Variants in SIK2 observed in about 807,000 individuals in gnomAD.
SIK2 encodes salt inducible kinase 2.
A neutral mutation model predicts 103.2 loss-of-function variants in SIK2; 29 were observed. That is an observed-to-expected ratio of 0.28 (90% CI 0.21 to 0.38). SIK2 has a LOEUF of 0.38. SIK2 is among the 10% of genes least tolerant of loss of function. The pLI, the probability that SIK2 is intolerant of heterozygous loss-of-function variation, is 1.00. For missense variants in SIK2, 879 were observed against 1,171.0 expected, an observed-to-expected ratio of 0.75 and a Z score of 3.64; for synonymous variants, 412 against 446.1, an observed-to-expected ratio of 0.92 and a Z score of 0.96.
chr11:111,604,425 T>A (rs954373001), intron 1 of SIK2, among the ~76,000 whole-genome samples: 2 of 151,934 alleles, frequency 1.3e-5, no homozygotes, highest in Non-Finnish European at 2.9e-5. Context: ...TCTCATCAGC[T>A]CTTACTGGGA....
chr11:111,723,949 T>G lies in SIK2; in HGVS notation c.2601T>G (p.Tyr867Ter). 1 of 1,614,068 alleles carries G rather than the reference T, an allele frequency of 6.2e-7. No homozygotes were observed. Among genetic ancestry groups the G allele is most frequent in the Non-Finnish European group, 8.5e-7 (1 of 1,179,994 alleles). The stretch of plus-strand genomic sequence containing the variant: ...CAGACTATCCCACTCCCTGTCAGTA[T>G]CCTGTGGATGGAGCCCAGCAGAGCG... Reference protein sequence around the residue: ...PAPDYPTPCQYPVDGAQQSDL... With the variant: ...PAPDYPTPCQ Residue 867 changes from tyrosine (Y) to a stop codon, truncating the protein, a stop_gained, in exon 15 of 15, where the codon TAT (tyrosine) becomes TAG (stop). Coordinates refer to ENST00000304987, the MANE Select transcript of SIK2 (RefSeq NM_015191.3). LOFTEE classifies it high-confidence loss of function.
At chr11:111,674,739 T>C (rs1484649558) in intron 3 of SIK2, among the ~76,000 whole-genome samples, 2 of 152,156 alleles carry the variant, frequency 1.3e-5, no homozygotes, top group Non-Finnish European at 2.9e-5. Flanking sequence ...GTCATATTTC[T>C]ACTGTGATAA....
rs770386148 is a variant in SIK2 at position 111,705,145 on chromosome 11, GC to G, written c.1101+11del. On this transcript the variant is annotated splice_region_variant and intron_variant, in intron 8 of 14. Coordinates refer to ENST00000304987, the MANE Select transcript of SIK2 (RefSeq NM_015191.3). The surrounding 1 kb of genome is among the most constrained non-coding windows in gnomAD (Gnocchi z 4.3). ...CTGAGCAAACAGTTGCCAAGGTAAT[GC>G]CCCCTTAGCTGAGAGTCTTATCTGT... 6.4e-7 allele frequency: 1 copy of G among 1,554,538 alleles called. No homozygotes were observed. Among genetic ancestry groups the G allele is most frequent in the Non-Finnish European group, 8.6e-7 (1 of 1,160,690 alleles).
Position 111,726,246 on chromosome 11 carries a change from G to C in SIK2, c.*2117G>C, listed in dbSNP as rs1181419378. The stretch of plus-strand genomic sequence containing the variant: ...CACTCATTTCAGAACTGCAGGAATG[G>C]TGTAGTTACAGATCGACATAAACTC... On this transcript the variant is annotated 3_prime_UTR_variant, in exon 15 of 15. Coordinates refer to ENST00000304987, the MANE Select transcript of SIK2 (RefSeq NM_015191.3). The C allele has an allele frequency of 1.3e-5, 2 of 152,214 alleles. No homozygotes were observed. Among genetic ancestry groups the C allele is most frequent in the African/African-American group, 2.4e-5 (1 of 41,444 alleles). 9.4% of individuals were successfully genotyped at this position (152,214 alleles called of 1,614,324 possible).
In SIK2 at chr11:111,725,665, T is replaced by A. The variant is rs1943942661; in HGVS notation, c.*1536T>A. On this transcript the variant is annotated 3_prime_UTR_variant, in exon 15 of 15. Transcript: ENST00000304987. ...CACAAAGAGAGGGACTAACTGATGCTGCATCTAGAAAACACCTTTAAGTTG... is the reference window on the plus strand; with the variant it reads ...CACAAAGAGAGGGACTAACTGATGCAGCATCTAGAAAACACCTTTAAGTTG... 1.3e-5 allele frequency: 2 copies of A among 152,704 alleles called. No homozygotes were observed. The highest frequency in any genetic ancestry group is 1.3e-4 in the Admixed American group (2 of 15,290). The allele number at this position is 152,704 out of a possible 1,614,324, so 9.5% of individuals were successfully genotyped here. A position where few individuals can be genotyped will look rare whatever the true frequency, so the allele number is the denominator to read the frequency against.
chr11:111,609,684 G>GA (rs1262940778), intron 1 of SIK2, among the ~76,000 whole-genome samples: 1 of 152,034 alleles, frequency 6.6e-6, no homozygotes, highest in Non-Finnish European at 1.5e-5. Context: ...ATTTACATTG[G>GA]AAAAAAGTCT....
intron 3 of SIK2, among the ~76,000 whole-genome samples, chr11:111,663,715 A>C (rs1220316027): frequency 6.6e-6 from 1 of 152,172 alleles, no homozygotes; most frequent in African/African-American, 2.4e-5. Context: ...TCTTGGCCTT[A>C]GGTGGTCATG....
chr11:111,615,116 G>A (rs1941787317), intron 1 of SIK2, among the ~76,000 whole-genome samples: 1 of 145,888 alleles, frequency 6.9e-6, no homozygotes, highest in African/African-American at 2.6e-5. Flanking sequence ...TGTAGCCTAG[G>A]CCACAGAGGG....
chr11:111,615,191 C>T (rs1042189742), intron 1 of SIK2, among the ~76,000 whole-genome samples: 18 of 151,228 alleles, frequency 1.2e-4, no homozygotes, highest in African/African-American at 3.9e-4. Flanking sequence ...TGGCTCACAC[C>T]TGTAATCCCA....
Position 111,727,121 on chromosome 11 carries a change from C to T in SIK2, c.*2992C>T. 2 of 1,428,526 alleles carry T rather than the reference C, an allele frequency of 1.4e-6. No individual in the cohort carries two copies. The highest frequency in any genetic ancestry group is 2.0e-6 in the Non-Finnish European group (2 of 1,015,614). 88.5% of individuals were successfully genotyped at this position (1,428,526 alleles called of 1,614,324 possible). ...GGGCCCACTTTCACATTCCCGGTGA[C>T]ACTGACCGTCCCCAGCTGCCCCCTC... On this transcript the variant is annotated 3_prime_UTR_variant, in exon 15 of 15. Coordinates refer to ENST00000304987, the MANE Select transcript of SIK2 (RefSeq NM_015191.3).
intron 3 of SIK2, among the ~76,000 whole-genome samples, chr11:111,654,648 C>T (rs967448205): frequency 1.3e-5 from 2 of 152,142 alleles, no homozygotes; most frequent in Non-Finnish European, 2.9e-5. Context: ...TTCTACAGTT[C>T]TGAGATAAGC....
Position 111,611,262 on chromosome 11 carries a change from AC to A in SIK2, c.136-4980del, listed in dbSNP as rs1159379073. ...AGACCCTGTCTCAAAAAAAAAAAAA[AC>A]TACACATAAATCTTTGTCCTCATTT... On this transcript the variant is annotated intron_variant, in intron 1 of 14. Transcript: ENST00000304987. 6.5e-4 allele frequency among the ~76,000 whole-genome samples: 94 copies of A among 145,132 alleles called. 1 individual carries two copies. Among genetic ancestry groups the A allele is most frequent in the South Asian group, 1.6e-3 (7 of 4,492 alleles).
intron 4 of SIK2, among the ~76,000 whole-genome samples, chr11:111,693,543 A>AAGTTGAGAATAAAAT (rs1942999225): frequency 6.6e-6 from 1 of 152,218 alleles, no homozygotes; most frequent in Non-Finnish European, 1.5e-5. Context: ...TTCAGGCATT[A>AAGTTGAGAATAAAAT]AGTTGAGAAT....
intron 1 of SIK2, among the ~76,000 whole-genome samples, chr11:111,609,274 CT>C (rs1941687776): frequency 6.6e-6 from 1 of 152,074 alleles, no homozygotes; most frequent in African/African-American, 2.4e-5. Context: ...GACCATTTAC[CT>C]TTTCCCCCAA....
intron 3 of SIK2, among the ~76,000 whole-genome samples, chr11:111,629,010 G>T (rs1435778570): frequency 6.6e-6 from 1 of 152,098 alleles, no homozygotes; most frequent in Non-Finnish European, 1.5e-5. Context: ...AGTTTTTTAG[G>T]AAGATAAATC....
intron 3 of SIK2, among the ~76,000 whole-genome samples, chr11:111,678,777 G>GA (rs949980367): frequency 4.6e-5 from 7 of 151,676 alleles, no homozygotes; most frequent in East Asian, 1.9e-4. Flanking sequence ...TACGTGACAG[G>GA]AAAAAAAAAT....
At chr11:111,698,425 C>T (rs1301630922) in intron 4 of SIK2, among the ~76,000 whole-genome samples, 4 of 152,120 alleles carry the variant, frequency 2.6e-5, no homozygotes, top group Non-Finnish European at 5.9e-5. Context: ...TGAAGTGGCT[C>T]TATAAGGGCT....
intron 2 of SIK2, among the ~76,000 whole-genome samples, chr11:111,616,587 A>C (rs114799622): frequency 3.9e-4 from 59 of 152,294 alleles, no homozygotes; most frequent in African/African-American, 1.2e-3. Context: ...GTGTGGGCTC[A>C]CACTTGTAAT....
At chr11:111,616,013 C>CA (rs1274871286) in intron 1 of SIK2, among the ~76,000 whole-genome samples, 1 of 152,110 alleles carries the variant, frequency 6.6e-6, no homozygotes, top group Non-Finnish European at 1.5e-5. Flanking sequence ...AACATGTTTT[C>CA]AAATTATTCT....
Sources: allele counts gnomAD v4.1 joint callset (sites outside exome capture counted in the v4.1 genomes callset), GRCh38; gene constraint gnomAD v4.1.1; non-coding constraint Gnocchi (gnomAD v3.1); transcripts MANE v1.5; gene names NCBI Gene and HGNC (gene_info 2026-07-23, HGNC 2026-07-21).